MTCL2: variants seen among roughly 807,000 people sequenced by gnomAD.
MTCL2 encodes microtubule cross-linking factor 2.
chr20:36,844,427 CAAT>C, the MTCL2 span, among the ~76,000 whole-genome samples: 5 of 149,834 alleles, frequency 3.3e-5, no homozygotes, highest in Non-Finnish European at 3.0e-5. Context: ...ATAATAACAA[CAAT>C]AATAATAATG....
the MTCL2 span, chr20:36,812,834 A>G: frequency 6.2e-7 from 1 of 1,612,034 alleles, no homozygotes; most frequent in African/African-American, 1.3e-5. Flanking sequence ...CAGGTCCCTG[A>G]AGTCAGGTGG....
At chr20:36,816,716 A>G in the MTCL2 span, among the ~76,000 whole-genome samples, 16 of 152,296 alleles carry the variant, frequency 1.1e-4, no homozygotes, top group East Asian at 2.7e-3. Context: ...ACTTCATCCA[A>G]TTCTTCCAAT....
the MTCL2 span, among the ~76,000 whole-genome samples, chr20:36,849,949 G>A: frequency 0.29 from 44,638 of 151,960 alleles, 7,429 homozygotes; most frequent in Middle Eastern, 0.42. Context: ...GGGAGGACAC[G>A]GAGAGAACCA....
the MTCL2 span, among the ~76,000 whole-genome samples, chr20:36,789,481 G>A: frequency 6.6e-6 from 1 of 152,044 alleles, no homozygotes; most frequent in South Asian, 2.1e-4. Context: ...GGCCAACATG[G>A]TGAAACCCTA....
the MTCL2 span, chr20:36,785,790 G>C: frequency 1.0e-6 from 1 of 985,504 alleles, no homozygotes; most frequent in Non-Finnish European, 1.2e-6. Context: ...CCAACCCTGA[G>C]CCCTGCATGT....
chr20:36,794,060 A>G, the MTCL2 span: 2 of 1,551,312 alleles, frequency 1.3e-6, no homozygotes, highest in Non-Finnish European at 1.7e-6. This position sits in a 1 kb window ranked among gnomAD's most constrained non-coding sequence, Gnocchi z 5.4. Context: ...GTCATCACTC[A>G]TGTTGCCTGA....
chr20:36,822,283 T>C, the MTCL2 span, among the ~76,000 whole-genome samples: 2 of 152,256 alleles, frequency 1.3e-5, no homozygotes, highest in African/African-American at 4.8e-5. Flanking sequence ...GAGGCAGATG[T>C]TCTGGCTCTG....
At chr20:36,815,167 T>G in the MTCL2 span, 3 of 1,612,094 alleles carry the variant, frequency 1.9e-6, no homozygotes, top group Non-Finnish European at 2.5e-6. This position sits in a 1 kb window ranked among gnomAD's most constrained non-coding sequence, Gnocchi z 5.3. Flanking sequence ...AGAATCTCCT[T>G]AGAGAGCCCC....
At chr20:36,815,108 G>C in the MTCL2 span, 3 of 1,563,314 alleles carry the variant, frequency 1.9e-6, no homozygotes, top group Non-Finnish European at 2.6e-6. The surrounding 1 kb of genome is among the most constrained non-coding windows in gnomAD (Gnocchi z 5.3). Flanking sequence ...AATAGGATCT[G>C]TGCATGAGGC....
chr20:36,863,037 G>A, the MTCL2 span: 5 of 1,405,534 alleles, frequency 3.6e-6, no homozygotes, highest in South Asian at 2.7e-5. The surrounding 1 kb of genome is among the most constrained non-coding windows in gnomAD (Gnocchi z 6.2). Context: ...CCCCGCACCC[G>A]AGCGCGGACG....
At chr20:36,810,721 T>TCC in the MTCL2 span, among the ~76,000 whole-genome samples, 3 of 124,508 alleles carry the variant, frequency 2.4e-5, no homozygotes, top group East Asian at 2.2e-4. Context: ...TCTCTCCCTC[T>TCC]CTCTCTCTCT....
At chr20:36,851,189 TGTACA>T in the MTCL2 span, among the ~76,000 whole-genome samples, 1 of 152,190 alleles carries the variant, frequency 6.6e-6, no homozygotes, top group African/African-American at 2.4e-5. Context: ...TATAATATAT[TGTACA>T]GTATATTGTA....
the MTCL2 span, among the ~76,000 whole-genome samples, chr20:36,817,043 G>C: frequency 6.6e-6 from 1 of 152,016 alleles, no homozygotes; most frequent in Non-Finnish European, 1.5e-5. Context: ...GAGGCAGGTG[G>C]ATTGCTTGAG....
the MTCL2 span, chr20:36,783,920 A>G: frequency 1.1e-3 from 1,080 of 985,472 alleles, 11 homozygotes; most frequent in African/African-American, 0.017. Flanking sequence ...CCCCACGTCC[A>G]GAGGCTTCTG....
At chr20:36,812,655 A>G in the MTCL2 span, 73 of 1,599,434 alleles carry the variant, frequency 4.6e-5, no homozygotes, top group South Asian at 5.1e-4. Flanking sequence ...GACAGGGCTC[A>G]GTCACTCTCC....
chr20:36,854,056 G>A, the MTCL2 span, among the ~76,000 whole-genome samples: 1 of 152,156 alleles, frequency 6.6e-6, no homozygotes, highest in Non-Finnish European at 1.5e-5. Context: ...GCTCCAAAGA[G>A]AGTGGCCCAA....
At chr20:36,848,865 CA>C in the MTCL2 span, among the ~76,000 whole-genome samples, 23 of 149,240 alleles carry the variant, frequency 1.5e-4, no homozygotes, top group East Asian at 1.9e-4. Flanking sequence ...ACTTTGCCAC[CA>C]AAAAAAAATC....
the MTCL2 span, among the ~76,000 whole-genome samples, chr20:36,847,263 C>A: frequency 1.3e-5 from 2 of 152,344 alleles, no homozygotes; most frequent in Admixed American, 6.5e-5. Context: ...CTGTGCTCTT[C>A]CAATTTGTTC....
chr20:36,856,714 G>A, the MTCL2 span, among the ~76,000 whole-genome samples: 1 of 152,256 alleles, frequency 6.6e-6, no homozygotes, highest in African/African-American at 2.4e-5. Flanking sequence ...ACTCCTTAGT[G>A]TTCCCAGCAG....
Sources: allele counts gnomAD v4.1 joint callset (sites outside exome capture counted in the v4.1 genomes callset), GRCh38; gene constraint gnomAD v4.1.1; non-coding constraint Gnocchi (gnomAD v3.1); transcripts MANE v1.5; gene names NCBI Gene and HGNC (gene_info 2026-07-23, HGNC 2026-07-21).